ATF6: variants seen among roughly 807,000 people sequenced by gnomAD.
ATF6 encodes activating transcription factor 6, also known as cyclic AMP-dependent transcription factor ATF-6 alpha.
In ATF6, 53 loss-of-function variants were observed where a neutral mutation model predicts 83.6. The ratio of observed to expected loss-of-function variants is 0.63; its 90% CI spans 0.51 to 0.80. ATF6 has a LOEUF of 0.80. Among genes scored for constraint, ATF6 ranks in the 30% least tolerant of loss-of-function variants. The probability of loss-of-function intolerance (pLI) is 0.00; values close to 1 mark genes in which losing one functional copy is unlikely to be tolerated. For synonymous variants in ATF6, 288 were observed against 285.8 expected, an observed-to-expected ratio of 1.01 and a Z score of -0.08; for missense variants, 744 against 797.9, an observed-to-expected ratio of 0.93 and a Z score of 0.81.
chr1:161,948,233 T>C (rs1688793558), intron 15 of ATF6, among the ~76,000 whole-genome samples: 1 of 152,234 alleles, frequency 6.6e-6, no homozygotes, highest in African/African-American at 2.4e-5. Context: ...AATCCTCCAG[T>C]ACTTTTTATC....
At chr1:161,928,857 G>C (rs1688375083) in intron 15 of ATF6, among the ~76,000 whole-genome samples, 1 of 152,170 alleles carries the variant, frequency 6.6e-6, no homozygotes, top group African/African-American at 2.4e-5. Context: ...GATCCATTTA[G>C]ACAAAGTGGG....
chr1:161,831,908 A>C (rs899210681), intron 9 of ATF6, among the ~76,000 whole-genome samples: 1 of 151,704 alleles, frequency 6.6e-6, no homozygotes, highest in Non-Finnish European at 1.5e-5. Context: ...ACAAACCTGC[A>C]CGTTGTGCAC....
intron 14 of ATF6, among the ~76,000 whole-genome samples, chr1:161,883,134 A>G (rs1687353711): frequency 6.6e-6 from 1 of 152,014 alleles, no homozygotes; most frequent in Non-Finnish European, 1.5e-5. Flanking sequence ...CAAGAGTATT[A>G]CATGGTATCA....
chr1:161,822,695 T>C (rs1201036852), intron 9 of ATF6, among the ~76,000 whole-genome samples: 2 of 152,070 alleles, frequency 1.3e-5, no homozygotes, highest in African/African-American at 2.4e-5. Flanking sequence ...ATTGTAACAA[T>C]GTTAGGTGCC....
At position 161,846,490 on chromosome 1, in the gene ATF6, G is replaced by A. The variant is rs181923135; in HGVS notation, c.1229G>A (p.Ser410Asn). ...TCCAGGAGAATGAACCCTAGTGTGA[G>A]CCCTGCAAATCAAAGGAGGCACCTT... is the stretch of plus-strand genomic sequence containing the variant. ...QDSRRMNPSVSPANQRRHLLG... is the reference protein window; with the variant it reads ...QDSRRMNPSVNPANQRRHLLG... Residue 410 changes from serine to asparagine, a missense_variant, in exon 10 of 16, where the codon AGC becomes AAC. Coordinates refer to ENST00000367942, the MANE Select transcript of ATF6 (RefSeq NM_007348.4). The A allele has an allele frequency of 1.8e-4, 289 of 1,610,888 alleles. No homozygotes were observed. The highest frequency in any genetic ancestry group is 6.7e-4 in the Admixed American group (40 of 59,718).
chr1:161,799,868 T>G (rs1396568176), intron 6 of ATF6, among the ~76,000 whole-genome samples: 2 of 152,200 alleles, frequency 1.3e-5, no homozygotes, highest in African/African-American at 4.8e-5. Context: ...TTTTGATTTT[T>G]AGTTTTCCCC....
At chr1:161,934,824 G>T (rs1356574484) in intron 15 of ATF6, among the ~76,000 whole-genome samples, 1 of 152,094 alleles carries the variant, frequency 6.6e-6, no homozygotes, top group Non-Finnish European at 1.5e-5. Context: ...CTAGAAACAG[G>T]GGAAGAGTCA....
rs1210620320 is a variant in ATF6, at chr1:161,960,872, A to G, written c.*2218A>G. On this transcript the variant is annotated 3_prime_UTR_variant, in exon 16 of 16. Transcript: ENST00000367942. ...TTCTGTAATGTGAATTAGCCACACC[A>G]GAGGCTGTGACCATGGCTAGTAGAC... The G allele has an allele frequency of 6.6e-6, 1 of 152,220 alleles. No individual in the cohort carries two copies. Among genetic ancestry groups the G allele is most frequent in the Non-Finnish European group, 1.5e-5 (1 of 68,052 alleles). The allele number at this position is 152,220 out of a possible 1,614,324, so 9.4% of individuals were successfully genotyped here.
intron 15 of ATF6, among the ~76,000 whole-genome samples, chr1:161,944,594 C>A (rs1421858591): frequency 6.6e-6 from 1 of 152,184 alleles, no homozygotes; most frequent in Non-Finnish European, 1.5e-5. Flanking sequence ...TACATTTGTG[C>A]AAAATGTAGG....
intron 7 of ATF6, among the ~76,000 whole-genome samples, chr1:161,810,053 T>C (rs958819024): frequency 3.9e-5 from 6 of 152,182 alleles, no homozygotes; most frequent in African/African-American, 9.7e-5. Flanking sequence ...TGGTCCTCCA[T>C]TGAGGTAGTT....
chr1:161,860,531 C>G (rs1011384615), intron 13 of ATF6, among the ~76,000 whole-genome samples: 3 of 151,706 alleles, frequency 2.0e-5, no homozygotes, highest in African/African-American at 7.3e-5. Context: ...GAATGCTGTT[C>G]CATCATAATT....
intron 15 of ATF6, among the ~76,000 whole-genome samples, chr1:161,930,976 T>C (rs1484127563): frequency 6.6e-6 from 1 of 152,118 alleles, no homozygotes; most frequent in Non-Finnish European, 1.5e-5. Context: ...CACTGCAACC[T>C]TCGCCTCCCA....
intron 15 of ATF6, among the ~76,000 whole-genome samples, chr1:161,946,589 C>T (rs1688752227): frequency 1.3e-5 from 2 of 152,316 alleles, no homozygotes; most frequent in Admixed American, 6.5e-5. Flanking sequence ...CTTCTCAGAG[C>T]ATGTGTTGCA....
At chr1:161,780,140 TC>T (rs754572305) in intron 2 of ATF6, among the ~76,000 whole-genome samples, 38 of 152,242 alleles carry the variant, frequency 2.5e-4, no homozygotes, top group Non-Finnish European at 4.3e-4. Flanking sequence ...TACTTTTTTT[TC>T]ATGTGCACTT....
intron 14 of ATF6, among the ~76,000 whole-genome samples, chr1:161,880,344 G>A (rs961326876): frequency 3.0e-4 from 46 of 151,884 alleles, no homozygotes; most frequent in African/African-American, 1.1e-3. Flanking sequence ...GTGTGTGTGT[G>A]TGTGTGTATA....
At chr1:161,906,929 G>T (rs189597517) in intron 14 of ATF6, among the ~76,000 whole-genome samples, 1 of 152,246 alleles carries the variant, frequency 6.6e-6, no homozygotes, top group Non-Finnish European at 1.5e-5. Flanking sequence ...GCCCTGTATC[G>T]TAGACATTTT....
intron 9 of ATF6, among the ~76,000 whole-genome samples, chr1:161,838,803 C>T (rs1474600247): frequency 2.0e-5 from 3 of 152,158 alleles, no homozygotes; most frequent in Admixed American, 6.5e-5. Context: ...TAATCCCTGG[C>T]TCTGAGAACT....
chr1:161,894,138 T>TGTTA (rs772879528), intron 14 of ATF6, among the ~76,000 whole-genome samples: 36 of 152,076 alleles, frequency 2.4e-4, no homozygotes, highest in Non-Finnish European at 4.4e-4. Flanking sequence ...CAATATGGTA[T>TGTTA]CCAATGTGAA....
intron 9 of ATF6, chr1:161,840,416 GAGGATAAGAAGCAGTTTCTTTTA>G (rs1686327460): frequency 6.6e-6 from 1 of 152,190 alleles, no homozygotes; most frequent in Non-Finnish European, 1.5e-5. Context: ...AGCAGCTTTT[GAGGATAAGAAGCAGTTTCTTTTA>G]AGGATAAGAA....
Sources: allele counts gnomAD v4.1 joint callset (sites outside exome capture counted in the v4.1 genomes callset), GRCh38; gene constraint gnomAD v4.1.1; transcripts MANE v1.5; gene names NCBI Gene and HGNC (gene_info 2026-07-23, HGNC 2026-07-21).